The following ANK2 variants were observed in gnomAD, a reference collection of about 807,000 sequenced individuals.
ANK2 encodes ankyrin-2.
A neutral mutation model predicts 360.5 loss-of-function variants in ANK2; 83 were observed. The observed-to-expected ratio is 0.23, with a 90% CI of 0.19 to 0.28. The LOEUF (loss-of-function observed/expected upper bound fraction) is 0.28. Among genes scored for constraint, ANK2 ranks in the 10% least tolerant of loss-of-function variants. The pLI is 1.00. For missense variants in ANK2, 4,201 were observed against 4,795.7 expected (o/e 0.88, Z 3.66); for synonymous variants, 1,740 against 1,759.5 (o/e 0.99, Z 0.28).
chr4:112,832,359 G>A (rs190950988), intron 1 of ANK2, among the ~76,000 whole-genome samples: 45 of 152,262 alleles, frequency 3.0e-4, no homozygotes, highest in African/African-American at 1.0e-3. Flanking sequence ...GGCCTGTAGG[G>A]TGTAATTTAC....
intron 23 of ANK2, among the ~76,000 whole-genome samples, chr4:113,309,020 A>C (rs908157766): frequency 1.3e-5 from 2 of 152,176 alleles, no homozygotes; most frequent in Admixed American, 6.5e-5. Context: ...TTGTATGCAG[A>C]ATTTTCCAGT....
At chr4:112,810,157 ATAT>A in the ANK2 span, among the ~76,000 whole-genome samples, 1 of 23,676 alleles carries the variant, frequency 4.2e-5, no homozygotes, top group Non-Finnish European at 6.7e-5. Flanking sequence ...ATATATATAT[ATAT>A]TTTTTTTTTT....
At chr4:113,244,619 A>G (rs1278280072) in intron 9 of ANK2, among the ~76,000 whole-genome samples, 4 of 152,034 alleles carry the variant, frequency 2.6e-5, no homozygotes, top group African/African-American at 9.7e-5. Context: ...TGCACTGAAC[A>G]TTTTTATTTT....
chr4:112,843,185 G>T (rs1427001150), intron 1 of ANK2, among the ~76,000 whole-genome samples: 2 of 152,134 alleles, frequency 1.3e-5, no homozygotes, highest in Non-Finnish European at 2.9e-5. Context: ...GACATTTAAG[G>T]GTTCCAGGGA....
the ANK2 span, chr4:112,788,238 C>A: frequency 6.3e-7 from 1 of 1,590,456 alleles, no homozygotes; most frequent in African/African-American, 1.3e-5. Flanking sequence ...ACCAGCTTAG[C>A]CAAAGCGCCT....
the ANK2 span, among the ~76,000 whole-genome samples, chr4:112,729,194 C>T: frequency 7.0e-6 from 1 of 142,252 alleles, no homozygotes; most frequent in Non-Finnish European, 1.6e-5. Context: ...GGAGATCTCT[C>T]TCAAAACAAA....
chr4:113,128,950 A>G (rs2095840252), intron 1 of ANK2, among the ~76,000 whole-genome samples: 1 of 152,220 alleles, frequency 6.6e-6, no homozygotes, highest in Admixed American at 6.5e-5. Flanking sequence ...GTTTCCAAAC[A>G]TAATTTTCCA....
At chr4:113,348,666 G>A (rs1210560544) in intron 36 of ANK2, among the ~76,000 whole-genome samples, 3 of 151,818 alleles carry the variant, frequency 2.0e-5, no homozygotes, top group Non-Finnish European at 4.4e-5. Context: ...AAATGTCTTA[G>A]TACATTAAAA....
intron 2 of ANK2, among the ~76,000 whole-genome samples, chr4:112,934,076 G>A (rs773990210): frequency 6.6e-6 from 1 of 152,076 alleles, no homozygotes; most frequent in South Asian, 2.1e-4. Context: ...GAGCCTGTTC[G>A]TTGTTTTGAA....
intron 6 of ANK2, 120 bp downstream of exon 6, chr4:113,237,292 A>G (rs2099390902): frequency 8.1e-7 from 1 of 1,233,268 alleles, no homozygotes; most frequent in Non-Finnish European, 1.2e-6. Flanking sequence ...ATAAAAAGAG[A>G]TAAATGACTT....
At chr4:113,191,284 A>C (rs944930358) in intron 2 of ANK2, among the ~76,000 whole-genome samples, 1 of 152,322 alleles carries the variant, frequency 6.6e-6, no homozygotes, top group Non-Finnish European at 1.5e-5. Flanking sequence ...CGGAGGTTGC[A>C]CGATGAGTTG....
chr4:113,057,204 A>G (rs1220561789), intron 1 of ANK2, among the ~76,000 whole-genome samples: 1 of 152,182 alleles, frequency 6.6e-6, no homozygotes, highest in South Asian at 2.1e-4. Context: ...TATTATAGGT[A>G]TACTCACACA....
chr4:113,048,268 ATATATATATTTTTT>A (rs1271771445), upstream of ANK2, among the ~76,000 whole-genome samples: 3 of 82,778 alleles, frequency 3.6e-5, no homozygotes, highest in African/African-American at 2.3e-4. Flanking sequence ...ATATATATAT[ATATATATATTTTTT>A]TTTTTTTTTT....
intron 1 of ANK2, among the ~76,000 whole-genome samples, chr4:113,093,131 A>G (rs988942509): frequency 1.2e-4 from 19 of 152,210 alleles, no homozygotes; most frequent in African/African-American, 4.6e-4. Context: ...TAGAACTGGC[A>G]GTAACCAATT....
chr4:113,292,583 T>A, intron 21 of ANK2, 69 bp downstream of exon 21: 1 of 1,449,804 alleles, frequency 6.9e-7, no homozygotes, highest in South Asian at 1.2e-5. Flanking sequence ...TGGCTTCTTG[T>A]CTGAGCTGAG....
At chr4:113,152,046 A>T (rs1246315458) in intron 1 of ANK2, among the ~76,000 whole-genome samples, 2 of 128,116 alleles carry the variant, frequency 1.6e-5, no homozygotes, top group Non-Finnish European at 3.1e-5. Context: ...AGCCTGGGTG[A>T]CAGAGCAAGT....
intron 37 of ANK2, among the ~76,000 whole-genome samples, chr4:113,351,886 A>AT (rs771862951): frequency 2.0e-4 from 30 of 152,326 alleles, no homozygotes; most frequent in East Asian, 1.9e-3. Context: ...ACTAATCTCT[A>AT]AAGAAGTGCT....
At chr4:112,997,750 T>C (rs559084759) in intron 2 of ANK2, among the ~76,000 whole-genome samples, 3 of 151,922 alleles carry the variant, frequency 2.0e-5, no homozygotes, top group Non-Finnish European at 4.4e-5. Flanking sequence ...TATATATGTG[T>C]ATATATACAC....
intron 2 of ANK2, among the ~76,000 whole-genome samples, chr4:113,009,108 T>G (rs2053898664): frequency 6.6e-6 from 1 of 152,228 alleles, no homozygotes; most frequent in African/African-American, 2.4e-5. Context: ...TTTTAAATTA[T>G]AAACATGCAG....
Sources: allele counts gnomAD v4.1 joint callset (sites outside exome capture counted in the v4.1 genomes callset), GRCh38; gene constraint gnomAD v4.1.1; transcripts MANE v1.5; gene names NCBI Gene and HGNC (gene_info 2026-07-23, HGNC 2026-07-21).